The following DPP10 variants were observed in gnomAD, a reference collection of about 807,000 sequenced individuals.
DPP10 encodes the protein inactive dipeptidyl peptidase 10.
In DPP10, 33 loss-of-function variants were observed where a neutral mutation model predicts 120.9. That is an observed-to-expected ratio of 0.27 (90% CI 0.21 to 0.37). The LOEUF is 0.37. DPP10 is among the 10% of genes least tolerant of loss of function. DPP10 has a pLI of 1.00. For synonymous variants in DPP10, 337 were observed against 326.1 expected (o/e 1.03, Z -0.36); for missense variants, 816 against 942.8 (o/e 0.87, Z 1.76).
At chr2:114,961,397 G>A (rs1698620193) in intron 1 of DPP10, among the ~76,000 whole-genome samples, 1 of 151,886 alleles carries the variant, frequency 6.6e-6, no homozygotes, top group African/African-American at 2.4e-5. Flanking sequence ...AATGTAATTG[G>A]AGCATTCATC....
At chr2:115,113,427 C>A (rs560217769) in intron 1 of DPP10, among the ~76,000 whole-genome samples, 4 of 151,916 alleles carry the variant, frequency 2.6e-5, no homozygotes, top group Non-Finnish European at 5.9e-5. Context: ...ATCTTAGACA[C>A]GTTTTTTGCT....
intron 1 of DPP10, among the ~76,000 whole-genome samples, chr2:114,739,127 G>A (rs1574076348): frequency 6.6e-6 from 1 of 152,058 alleles, no homozygotes; most frequent in Non-Finnish European, 1.5e-5. Flanking sequence ...TTGCTAAATG[G>A]TTGTCATTCT....
chr2:114,948,078 C>CTA (rs1365824051), intron 1 of DPP10, among the ~76,000 whole-genome samples: 2 of 151,734 alleles, frequency 1.3e-5, no homozygotes, highest in Non-Finnish European at 2.9e-5. Context: ...ACTGACATTT[C>CTA]TATATATATA....
chr2:115,357,177 T>G, intron 3 of DPP10, among the ~76,000 whole-genome samples: 1 of 152,324 alleles, frequency 6.6e-6, no homozygotes. Flanking sequence ...GGATAATGGA[T>G]AGTGACCTAA....
At chr2:115,533,472 G>GT (rs2078597572) in intron 5 of DPP10, among the ~76,000 whole-genome samples, 1 of 151,970 alleles carries the variant, frequency 6.6e-6, no homozygotes, top group South Asian at 2.1e-4. Flanking sequence ...TATTTTTCTG[G>GT]TAAGTATCTA....
At chr2:114,587,987 T>A (rs768165234) in intron 1 of DPP10, among the ~76,000 whole-genome samples, 1 of 152,226 alleles carries the variant, frequency 6.6e-6, no homozygotes, top group Non-Finnish European at 1.5e-5. Flanking sequence ...TTTACTGCAA[T>A]CTATGCTTTT....
chr2:114,984,119 C>T (rs62164465), intron 1 of DPP10, among the ~76,000 whole-genome samples: 13,809 of 152,172 alleles, frequency 0.091, 832 homozygotes, highest in Non-Finnish European at 0.13. Context: ...CTTTCTGGCC[C>T]TGTACTTATT....
intron 1 of DPP10, among the ~76,000 whole-genome samples, chr2:115,188,576 C>A (rs2054637493): frequency 6.6e-6 from 1 of 152,062 alleles, no homozygotes; most frequent in East Asian, 1.9e-4. Flanking sequence ...TGTTTTCTAA[C>A]CACACATAAA....
At chr2:115,474,270 T>A (rs1262562890) in intron 3 of DPP10, among the ~76,000 whole-genome samples, 2 of 152,088 alleles carry the variant, frequency 1.3e-5, no homozygotes, top group African/African-American at 4.8e-5. Flanking sequence ...GTTTGAAAAC[T>A]AAAACAAAGA....
chr2:115,168,905 A>G (rs898722619), intron 1 of DPP10, among the ~76,000 whole-genome samples: 1 of 152,226 alleles, frequency 6.6e-6, no homozygotes, highest in African/African-American at 2.4e-5. Context: ...TCCAAAACTG[A>G]TAAAATAAAT....
chr2:115,756,171 A>G (rs1196332644), intron 11 of DPP10, among the ~76,000 whole-genome samples: 2 of 152,096 alleles, frequency 1.3e-5, no homozygotes, highest in Non-Finnish European at 2.9e-5. Flanking sequence ...TGTGCTTATA[A>G]GAGTCTGAAA....
chr2:114,680,676 T>C (rs192523978), intron 1 of DPP10, among the ~76,000 whole-genome samples: 18 of 152,078 alleles, frequency 1.2e-4, no homozygotes, highest in South Asian at 2.1e-4. Flanking sequence ...CTAATGAATA[T>C]AGTCCTGAAG....
intron 5 of DPP10, among the ~76,000 whole-genome samples, chr2:115,595,950 T>G (rs2082962425): frequency 6.6e-6 from 1 of 152,148 alleles, no homozygotes; most frequent in Admixed American, 6.5e-5. Context: ...ATTACAGTGT[T>G]GACTGTAACT....
At chr2:114,683,486 C>CTTCCA (rs1453451645) in intron 1 of DPP10, among the ~76,000 whole-genome samples, 2 of 150,880 alleles carry the variant, frequency 1.3e-5, no homozygotes, top group East Asian at 3.9e-4. Context: ...ACCTCCTTTC[C>CTTCCA]TTCCCTTCCC....
At chr2:115,233,086 G>A (rs1424588754) in intron 1 of DPP10, among the ~76,000 whole-genome samples, 1 of 110,372 alleles carries the variant, frequency 9.1e-6, no homozygotes, top group African/African-American at 3.8e-5. Flanking sequence ...GACTTAAAGT[G>A]ACAGCAAATT....
chr2:114,857,438 T>C (rs779843457), intron 1 of DPP10, among the ~76,000 whole-genome samples: 9 of 152,150 alleles, frequency 5.9e-5, no homozygotes, highest in Non-Finnish European at 1.3e-4. Context: ...TGTTAAGCCA[T>C]ATAAGATATT....
chr2:115,333,133 A>T (rs1189620967), intron 2 of DPP10, among the ~76,000 whole-genome samples: 1 of 151,876 alleles, frequency 6.6e-6, no homozygotes, highest in Non-Finnish European at 1.5e-5. Flanking sequence ...TATATTTAGG[A>T]TTGTTAGCTT....
intron 2 of DPP10, among the ~76,000 whole-genome samples, chr2:115,334,228 C>CTGGTTTTTTTTTTT (rs2062956050): frequency 9.0e-5 from 2 of 22,342 alleles, no homozygotes; most frequent in African/African-American, 2.1e-4. Context: ...AGAGCAGACT[C>CTGGTTTTTTTTTTT]TGTTTTTTTT....
chr2:115,341,438 C>CTCATGAACCTAT (rs2063441821), intron 2 of DPP10, among the ~76,000 whole-genome samples: 1 of 152,146 alleles, frequency 6.6e-6, no homozygotes, highest in Non-Finnish European at 1.5e-5. Flanking sequence ...ATTGCTATCA[C>CTCATGAACCTAT]TCATGAACCT....
Sources: gnomAD v4.1 joint callset for allele counts (sites outside exome capture counted in the v4.1 genomes callset) on GRCh38, gnomAD v4.1.1 for gene constraint, MANE v1.5 for transcripts, NCBI Gene and HGNC (gene_info 2026-07-23, HGNC 2026-07-21) for gene names.